ATRNL1: variants seen among roughly 807,000 people sequenced by gnomAD.
The protein encoded by ATRNL1 is attractin like 1.
ATRNL1 carries 95 observed loss-of-function variants against 182.7 expected under a neutral mutation model. The ratio of observed to expected loss-of-function variants is 0.52; its 90% CI spans 0.44 to 0.62. The LOEUF is 0.62. Among genes scored for constraint, ATRNL1 ranks in the 20% least tolerant of loss-of-function variants. The probability of loss-of-function intolerance (pLI) is 0.00; values close to 1 mark genes in which losing one functional copy is unlikely to be tolerated. For synonymous variants in ATRNL1, 576 were observed against 568.3 expected (o/e 1.01, Z -0.19); for missense variants, 1,471 against 1,679.5 (o/e 0.88, Z 2.17).
intron 24 of ATRNL1, among the ~76,000 whole-genome samples, chr10:115,517,849 T>G (rs1850718195): frequency 6.6e-6 from 1 of 151,850 alleles, no homozygotes; most frequent in Admixed American, 6.6e-5. Context: ...TGATATTCTA[T>G]GGACAAAGAC....
chr10:115,745,210 G>A (rs377766690), intron 27 of ATRNL1, among the ~76,000 whole-genome samples: 3 of 151,814 alleles, frequency 2.0e-5, no homozygotes, highest in African/African-American at 4.8e-5. Flanking sequence ...TGCAACCTCC[G>A]CCTCCCGGGG....
intron 27 of ATRNL1, among the ~76,000 whole-genome samples, chr10:115,836,527 C>T (rs1418647704): frequency 2.0e-5 from 3 of 152,168 alleles, no homozygotes; most frequent in African/African-American, 7.2e-5. Context: ...CCGTGCACCT[C>T]CCCTCGCTTC....
intron 26 of ATRNL1, among the ~76,000 whole-genome samples, chr10:115,716,301 A>G (rs1447338540): frequency 2.0e-5 from 3 of 152,202 alleles, no homozygotes; most frequent in African/African-American, 7.2e-5. Flanking sequence ...TCCATTAGCT[A>G]ATAGCAAAAT....
intron 27 of ATRNL1, among the ~76,000 whole-genome samples, chr10:115,770,024 C>T (rs529235101): frequency 6.6e-6 from 1 of 152,146 alleles, no homozygotes; most frequent in Admixed American, 6.5e-5. Context: ...TCCAAACTGA[C>T]ACTTAATACT....
At chr10:115,896,065 G>A (rs1320763439) in intron 28 of ATRNL1, among the ~76,000 whole-genome samples, 1 of 152,280 alleles carries the variant, frequency 6.6e-6, no homozygotes, top group Non-Finnish European at 1.5e-5. Context: ...TATTGTCACT[G>A]TCATTATCAT....
chr10:115,325,743 G>A (rs1854839125), intron 18 of ATRNL1, among the ~76,000 whole-genome samples: 1 of 152,106 alleles, frequency 6.6e-6, no homozygotes, highest in South Asian at 2.1e-4. Flanking sequence ...TCATCAAGAG[G>A]TATTATAGAT....
rs982399126 is a variant in ATRNL1 at position 115,121,882 on chromosome 10, T to G, written c.491+70T>G. 56 of 668,758 alleles carry G rather than the reference T, an allele frequency of 8.4e-5. No homozygotes were observed. In the Admixed American group the frequency reaches 1.4e-3, roughly 17 times the overall value. The allele number at this position is 668,758 out of a possible 1,614,324, so 41.4% of individuals were successfully genotyped here. On this transcript the variant is annotated intron_variant, in intron 3 of 28. Coordinates refer to ENST00000355044, the MANE Select transcript of ATRNL1 (RefSeq NM_207303.4). ...TTGCTTCTTTAAATATATATTGATA[T>G]GTACTGCAAAATAAATTTAGTAAAG...
At position 115,300,009 on chromosome 10, in the gene ATRNL1, A is replaced by T. The variant is rs782147680; in HGVS notation, c.2416-25A>T. 9 of 1,541,840 alleles carry T rather than the reference A, an allele frequency of 5.8e-6. No individual in the cohort carries two copies. In the Admixed American group the frequency reaches 1.6e-4, roughly 27 times the overall value. ...TATTTTTACATCTAACTTTCTTTGAATGCCCCTTTTCCTGTTGTTTACAGA... is the reference window on the plus strand; with the variant it reads ...TATTTTTACATCTAACTTTCTTTGATTGCCCCTTTTCCTGTTGTTTACAGA... On this transcript the variant is annotated intron_variant, in intron 15 of 28. Coordinates refer to ENST00000355044, the MANE Select transcript of ATRNL1 (RefSeq NM_207303.4).
chr10:115,353,797 T>C, intron 19 of ATRNL1, among the ~76,000 whole-genome samples: 1 of 152,166 alleles, frequency 6.6e-6, no homozygotes, highest in East Asian at 1.9e-4. Flanking sequence ...GTTAAATTGA[T>C]AAAAACTCTA....
intron 20 of ATRNL1, among the ~76,000 whole-genome samples, chr10:115,409,670 C>G (rs1273500656): frequency 5.3e-5 from 8 of 151,630 alleles, no homozygotes; most frequent in Admixed American, 5.2e-4. Flanking sequence ...AACAAACAAA[C>G]AAAAAAACAA....
intron 24 of ATRNL1, among the ~76,000 whole-genome samples, chr10:115,469,948 C>T (rs1554971791): frequency 6.6e-6 from 1 of 150,416 alleles, no homozygotes; most frequent in East Asian, 1.9e-4. Context: ...GAAAGAAAAG[C>T]CTATCTATTG....
intron 28 of ATRNL1, among the ~76,000 whole-genome samples, chr10:115,867,146 AT>A (rs1555104919): frequency 1.3e-5 from 2 of 152,252 alleles, no homozygotes; most frequent in African/African-American, 4.8e-5. Context: ...CTTTAAAAAA[AT>A]AAAGCCATAT....
chr10:115,559,454 A>ACGCACATGCG (rs1554998584), intron 26 of ATRNL1, among the ~76,000 whole-genome samples: 20 of 135,382 alleles, frequency 1.5e-4, no homozygotes, highest in African/African-American at 5.2e-4. Context: ...GCGCGCGCGC[A>ACGCACATGCG]CGCACGCACA....
intron 9 of ATRNL1, among the ~76,000 whole-genome samples, chr10:115,238,432 G>T (rs1049835979): frequency 3.9e-5 from 6 of 151,988 alleles, no homozygotes; most frequent in Admixed American, 3.9e-4. Context: ...TTTATTGTTT[G>T]TAGTTTTCCT....
chr10:115,137,303 G>C (rs1460909990), intron 5 of ATRNL1, among the ~76,000 whole-genome samples: 2 of 152,192 alleles, frequency 1.3e-5, no homozygotes, highest in African/African-American at 4.8e-5. Flanking sequence ...AGAGACTGCT[G>C]TCTCCCAGCA....
At chr10:115,363,878 A>G (rs1244959968) in intron 19 of ATRNL1, among the ~76,000 whole-genome samples, 5 of 148,946 alleles carry the variant, frequency 3.4e-5, no homozygotes, top group Non-Finnish European at 7.5e-5. Flanking sequence ...ATTGATCTAT[A>G]TCTCTGTTTT....
intron 26 of ATRNL1, among the ~76,000 whole-genome samples, chr10:115,656,549 C>G (rs553211678): frequency 6.6e-6 from 1 of 152,244 alleles, no homozygotes; most frequent in East Asian, 1.9e-4. Flanking sequence ...AGGGTGGGTA[C>G]CTGCGTTGCT....
chr10:115,310,376 A>G (rs1049130633), intron 17 of ATRNL1, among the ~76,000 whole-genome samples: 2 of 151,824 alleles, frequency 1.3e-5, no homozygotes, highest in East Asian at 1.9e-4. Flanking sequence ...AAAATTTCCT[A>G]TTTCTCAGTC....
At position 115,924,813 on chromosome 10, in the gene ATRNL1, G is replaced by A. The variant is rs554886013; in HGVS notation, c.4019-19845G>A. Among the ~76,000 whole-genome samples, 13 of 152,174 alleles carry A rather than the reference G, an allele frequency of 8.5e-5. No individual in the cohort carries two copies. The East Asian group carries it at 1.5e-3, about 18-fold the overall frequency. On this transcript the variant is annotated intron_variant, in intron 28 of 28. Transcript: ENST00000355044. Reference sequence around the variant, plus strand: ...GTCAATGGTAGTTTGATGGAATAGCGTTGGATCTATAAATTACTTTGGGCA... The same window carrying A: ...GTCAATGGTAGTTTGATGGAATAGCATTGGATCTATAAATTACTTTGGGCA...
Sources: gnomAD v4.1 joint callset for allele counts (sites outside exome capture counted in the v4.1 genomes callset) on GRCh38, gnomAD v4.1.1 for gene constraint, MANE v1.5 for transcripts, NCBI Gene and HGNC (gene_info 2026-07-23, HGNC 2026-07-21) for gene names.